SGCZ: variants seen among roughly 807,000 people sequenced by gnomAD.
SGCZ encodes the protein sarcoglycan zeta, also known as zeta-sarcoglycan.
A neutral mutation model predicts 41.3 loss-of-function variants in SGCZ; 40 were observed. The ratio of observed to expected loss-of-function variants is 0.97; its 90% CI spans 0.75 to 1.26. The LOEUF (loss-of-function observed/expected upper bound fraction) is 1.26. Among genes scored for constraint, SGCZ ranks in the 50% most tolerant of loss-of-function variants. The probability of loss-of-function intolerance (pLI) is 0.00; values close to 1 mark genes in which losing one functional copy is unlikely to be tolerated. For synonymous variants in SGCZ, 206 were observed against 137.5 expected (o/e 1.50, Z -3.49); for missense variants, 552 against 369.8 (o/e 1.49, Z -4.04).
In SGCZ at chr8:14,640,672, G is replaced by A. The variant is rs866562649; in HGVS notation, c.40-85746C>T. ...GGGGTGTGTGTGTGTGTGTGTGTGT[G>A]TATATATTTGCTTTGTACTTGAGTT... On this transcript the variant is annotated intron_variant, in intron 1 of 7. Coordinates refer to ENST00000382080, the MANE Select transcript of SGCZ (RefSeq NM_139167.4). 2.1e-4 allele frequency among the ~76,000 whole-genome samples: 24 copies of A among 113,794 alleles called. 1 individual carries two copies. The highest frequency in any genetic ancestry group is 6.7e-4 in the East Asian group (2 of 2,974). 74.7% of individuals were successfully genotyped at this position (113,794 alleles called of 152,430 possible).
intron 3 of SGCZ, among the ~76,000 whole-genome samples, chr8:14,294,242 A>C (rs191680905): frequency 6.6e-6 from 1 of 152,070 alleles, no homozygotes. Context: ...ATATTTATGT[A>C]TATATTTATT....
In SGCZ at chr8:14,623,471, T is replaced by G. The variant is rs77666390; in HGVS notation, c.40-68545A>C. Among the ~76,000 whole-genome samples, 824 of 152,272 alleles carry G rather than the reference T, an allele frequency of 5.4e-3. 8 individuals carry two copies. Among genetic ancestry groups the G allele is most frequent in the African/African-American group, 0.019 (779 of 41,560 alleles). ...ACATCTCTGACCTCTGTTGTTTTTC[T>G]GGATAATAGGAAAAATTAATATATC... On this transcript the variant is annotated intron_variant, in intron 1 of 7. Coordinates refer to ENST00000382080, the MANE Select transcript of SGCZ (RefSeq NM_139167.4).
At chr8:14,326,637 C>T (rs1275896890) in intron 2 of SGCZ, among the ~76,000 whole-genome samples, 1 of 152,028 alleles carries the variant, frequency 6.6e-6, no homozygotes, top group African/African-American at 2.4e-5. Context: ...CTGGAAATGC[C>T]TTACAGGAAA....
chr8:14,985,084 A>C (rs1365341395), intron 1 of SGCZ, among the ~76,000 whole-genome samples: 2 of 152,214 alleles, frequency 1.3e-5, no homozygotes, highest in Non-Finnish European at 2.9e-5. Flanking sequence ...GCCAATACCC[A>C]ATGGTCAAAT....
intron 1 of SGCZ, among the ~76,000 whole-genome samples, chr8:14,835,070 T>G (rs1802651892): frequency 6.6e-6 from 1 of 152,178 alleles, no homozygotes; most frequent in Admixed American, 6.6e-5. Context: ...TGATATAATT[T>G]CCTGTGAAAT....
chr8:15,072,639 T>A (rs941613070), intron 1 of SGCZ, among the ~76,000 whole-genome samples: 1 of 152,178 alleles, frequency 6.6e-6, no homozygotes, highest in Non-Finnish European at 1.5e-5. Context: ...ATGACATGGT[T>A]TTAACCAGAA....
chr8:15,172,193 G>A (rs1297335936), intron 1 of SGCZ, among the ~76,000 whole-genome samples: 40 of 82,708 alleles, frequency 4.8e-4, no homozygotes, highest in Middle Eastern at 0.013. Context: ...ACGGAGTTTC[G>A]CTCTGTCGCC....
At chr8:14,363,018 T>A (rs1335174484) in intron 2 of SGCZ, among the ~76,000 whole-genome samples, 3 of 152,192 alleles carry the variant, frequency 2.0e-5, no homozygotes, top group Admixed American at 6.5e-5. Flanking sequence ...GCTCAATATG[T>A]GGATGACAAT....
At chr8:15,028,268 G>A (rs1357814622) in intron 1 of SGCZ, among the ~76,000 whole-genome samples, 4 of 152,116 alleles carry the variant, frequency 2.6e-5, no homozygotes, top group African/African-American at 4.8e-5. Context: ...CGTAGCTTTC[G>A]TGAAGGCTAA....
At chr8:14,457,009 G>A (rs556110525) in intron 2 of SGCZ, among the ~76,000 whole-genome samples, 4 of 152,190 alleles carry the variant, frequency 2.6e-5, no homozygotes, top group Non-Finnish European at 5.9e-5. Flanking sequence ...CAGTGGGGCT[G>A]TGGGCGACAA....
At chr8:15,160,514 C>G (rs1187956645) in intron 1 of SGCZ, among the ~76,000 whole-genome samples, 2 of 152,076 alleles carry the variant, frequency 1.3e-5, no homozygotes, top group Non-Finnish European at 2.9e-5. Flanking sequence ...GCAACACAAC[C>G]CTATTCCCCA....
At chr8:14,232,129 CT>C (rs1410793607) in intron 4 of SGCZ, among the ~76,000 whole-genome samples, 1 of 63,978 alleles carries the variant, frequency 1.6e-5, no homozygotes, top group African/African-American at 6.2e-5. Flanking sequence ...AACAAATCTT[CT>C]TTCATCATAT....
chr8:15,176,421 T>C (rs1800003090), intron 1 of SGCZ, among the ~76,000 whole-genome samples: 1 of 152,178 alleles, frequency 6.6e-6, no homozygotes, highest in Non-Finnish European at 1.5e-5. Context: ...TGACGGCAAA[T>C]AGTCTAATTG....
chr8:14,829,743 A>G (rs569433224), intron 1 of SGCZ, among the ~76,000 whole-genome samples: 1 of 147,780 alleles, frequency 6.8e-6, no homozygotes, highest in South Asian at 2.1e-4. Flanking sequence ...TTAACTGATT[A>G]TTTAAGGGTT....
chr8:14,411,576 C>G (rs749209641), intron 2 of SGCZ, among the ~76,000 whole-genome samples: 1 of 152,130 alleles, frequency 6.6e-6, no homozygotes, highest in African/African-American at 2.4e-5. Flanking sequence ...TCCAAAGTAC[C>G]TCCCCAAACC....
intron 1 of SGCZ, among the ~76,000 whole-genome samples, chr8:14,605,592 T>C (rs972064667): frequency 2.0e-5 from 3 of 152,088 alleles, no homozygotes; most frequent in African/African-American, 7.2e-5. Flanking sequence ...GCAACCAACA[T>C]TCTAGTCTCT....
intron 1 of SGCZ, among the ~76,000 whole-genome samples, chr8:14,865,108 G>T (rs1262492755): frequency 2.6e-5 from 4 of 151,966 alleles, no homozygotes; most frequent in African/African-American, 9.7e-5. Flanking sequence ...TAAAAAATGT[G>T]CAATAGTTCC....
chr8:14,760,241 C>G (rs1799818176), intron 1 of SGCZ, among the ~76,000 whole-genome samples: 1 of 152,106 alleles, frequency 6.6e-6, no homozygotes, highest in Admixed American at 6.5e-5. Flanking sequence ...CAAGGTAATC[C>G]CTTCGTAGCC....
intron 1 of SGCZ, among the ~76,000 whole-genome samples, chr8:15,207,483 A>T (rs1415994231): frequency 6.6e-6 from 1 of 152,198 alleles, no homozygotes; most frequent in Non-Finnish European, 1.5e-5. Context: ...AAAGAGTGGG[A>T]TCATAGAAAT....
Sources: gnomAD v4.1 joint callset for allele counts (sites outside exome capture counted in the v4.1 genomes callset) on GRCh38, gnomAD v4.1.1 for gene constraint, MANE v1.5 for transcripts, NCBI Gene and HGNC (gene_info 2026-07-23, HGNC 2026-07-21) for gene names.